VPS13C: variants seen among roughly 807,000 people sequenced by gnomAD.
VPS13C encodes vacuolar protein sorting 13 homolog C, also known as intermembrane lipid transfer protein VPS13C.
Under a neutral mutation model 456.8 loss-of-function variants are expected in VPS13C, and 358 were observed. The observed-to-expected ratio is 0.78, with a 90% confidence interval of 0.72 to 0.86. VPS13C has a LOEUF of 0.86. VPS13C is among the 40% of genes least tolerant of loss of function. The pLI, the probability that VPS13C is intolerant of heterozygous loss-of-function variation, is 0.00. For synonymous variants in VPS13C, 1,578 were observed against 1,486.7 expected (o/e 1.06, Z -1.41); for missense variants, 4,818 against 4,385.4 (o/e 1.10, Z -2.79).
At position 61,854,480 on chromosome 15, in the gene VPS13C, G is replaced by A; in HGVS notation, c.11239C>T (p.Leu3747Phe). 1 of 1,614,160 alleles carries A rather than the reference G, an allele frequency of 6.2e-7. No homozygotes were observed. Among genetic ancestry groups the A allele is most frequent in the African/African-American group, 1.3e-5 (1 of 75,052 alleles). ...GATTAAGATGGCAATTGGGGTCTGA[G>A]AAGTCTCACTGATGACTGCTTCATC... ...KLMKQSSVRLLRPQLPS is the reference protein window; with the variant it reads ...KLMKQSSVRLFRPQLPS Residue 3747 changes from leucine (L) to phenylalanine (F), a missense_variant, in exon 85 of 85, where the codon CTC becomes TTC. Leu to Phe is a conservative substitution (Grantham distance 22, BLOSUM62 0). Coordinates refer to ENST00000644861, the MANE Select transcript of VPS13C (RefSeq NM_020821.3).
intron 47 of VPS13C, among the ~76,000 whole-genome samples, chr15:61,940,150 AATG>A (rs1217073724): frequency 1.3e-5 from 2 of 152,180 alleles, no homozygotes; most frequent in Non-Finnish European, 2.9e-5. Flanking sequence ...GCCTATTCAA[AATG>A]ATATCACCTT....
At chr15:61,904,878 T>G (rs1405933029) in intron 66 of VPS13C, among the ~76,000 whole-genome samples, 1 of 151,836 alleles carries the variant, frequency 6.6e-6, no homozygotes, top group Non-Finnish European at 1.5e-5. Flanking sequence ...GTCAGTCAGG[T>G]ACAGAAAGAC....
At position 61,961,958 on chromosome 15, in the gene VPS13C, T is replaced by C. The variant is rs1180964768; in HGVS notation, c.3604-65A>G. 8.7e-6 allele frequency: 13 copies of C among 1,494,220 alleles called. No homozygotes were observed. The South Asian group carries it at 1.5e-4, about 17-fold the overall frequency. 92.6% of individuals were successfully genotyped at this position (1,494,220 alleles called of 1,614,324 possible). ...TACAGGCACATCAATAATAACACTA[T>C]CTTCTTTTCATACATGTGGTAACTT... On this transcript the variant is annotated intron_variant, in intron 34 of 84. Coordinates refer to ENST00000644861, the MANE Select transcript of VPS13C (RefSeq NM_020821.3).
chr15:61,920,722 T>TTAGGAGAACTGAA, intron 55 of VPS13C, 75 bp from the exon 56 acceptor site: 1 of 1,358,148 alleles, frequency 7.4e-7, no homozygotes, highest in Non-Finnish European at 9.9e-7. Context: ...GGAGTTCAGT[T>TTAGGAGAACTGAA]CTCCTAAACT....
intron 66 of VPS13C, among the ~76,000 whole-genome samples, chr15:61,894,856 C>G (rs1461977326): frequency 6.6e-6 from 1 of 152,148 alleles, no homozygotes; most frequent in East Asian, 1.9e-4. Flanking sequence ...GAAAGAAACA[C>G]TGGAGTTAAA....
chr15:62,008,690 C>T lies in VPS13C; in HGVS notation c.1083G>A (p.Lys361=), dbSNP rs1294659551. 4 of 1,607,820 alleles carry T rather than the reference C, an allele frequency of 2.5e-6. No individual in the cohort carries two copies. The highest frequency in any genetic ancestry group is 3.4e-6 in the Non-Finnish European group (4 of 1,176,840). ...CATTGGTATGAAGTGGTAAATAAGG[C>T]TTGTATTTCCTATAAGGCGCATTCC... ...MVRNAPYRKY[K]PYLPLHTNGR... Residue 361 remains lysine, a synonymous_variant, in exon 14 of 85, where the codon AAG becomes AAA. Transcript: ENST00000644861.
At position 61,920,651 on chromosome 15, in the gene VPS13C, T is replaced by A. The variant is rs745798981; in HGVS notation, c.7063-4A>T. 6.4e-7 allele frequency: 1 copy of A among 1,558,786 alleles called. No individual in the cohort carries two copies. Among genetic ancestry groups the A allele is most frequent in the South Asian group, 1.2e-5 (1 of 81,894 alleles). ...CCTGAACTGGGTTCTTCTTTACCTATGAAGAAAAATAACACAGCAAATTTA... is the reference window on the plus strand; with the variant it reads ...CCTGAACTGGGTTCTTCTTTACCTAAGAAGAAAAATAACACAGCAAATTTA... On this transcript the variant is annotated splice_region_variant and splice_polypyrimidine_tract_variant and intron_variant, in intron 55 of 84. Coordinates refer to ENST00000644861, the MANE Select transcript of VPS13C (RefSeq NM_020821.3).
chr15:61,943,684 A>G (rs1039621136), intron 45 of VPS13C, among the ~76,000 whole-genome samples: 4 of 152,118 alleles, frequency 2.6e-5, no homozygotes, highest in African/African-American at 7.2e-5. Context: ...AACTATAAGA[A>G]TTTTACAAGA....
At chr15:61,999,580 A>G (rs894707654) in intron 16 of VPS13C, among the ~76,000 whole-genome samples, 4 of 152,158 alleles carry the variant, frequency 2.6e-5, no homozygotes, top group African/African-American at 9.7e-5. Flanking sequence ...TATTAACAGT[A>G]GTTACTTTTA....
intron 6 of VPS13C, among the ~76,000 whole-genome samples, chr15:62,024,507 T>C (rs1025030506): frequency 1.3e-5 from 2 of 152,072 alleles, no homozygotes; most frequent in African/African-American, 4.8e-5. Flanking sequence ...CTCAAATTCC[T>C]ATCAGGCATC....
At chr15:61,996,998 C>CATACATATATATATATAT (rs1555437505) in intron 16 of VPS13C, among the ~76,000 whole-genome samples, 103 of 145,566 alleles carry the variant, frequency 7.1e-4, no homozygotes, top group African/African-American at 2.5e-3. Context: ...TACATACATA[C>CATACATATATATATATAT]ATATATATAT....
At chr15:61,993,566 GT>G (rs2046289891) in intron 16 of VPS13C, among the ~76,000 whole-genome samples, 1 of 152,048 alleles carries the variant, frequency 6.6e-6, no homozygotes, top group Admixed American at 6.6e-5. Context: ...TCTTAAAGGT[GT>G]GATCAGCATG....
At chr15:61,925,586 C>T (rs2043821705) in intron 52 of VPS13C, 38 bp from the exon 53 acceptor site, 1 of 1,405,764 alleles carries the variant, frequency 7.1e-7, no homozygotes, top group African/African-American at 1.5e-5. Context: ...TTCCATAGAT[C>T]CATTATATAC....
Position 62,056,410 on chromosome 15 carries a change from T to A in VPS13C, c.100+3865A>T, listed in dbSNP as rs184211540. ...GTGAGGTGTGACCAGAAGACAAGAG[T>A]GCGAGCCTTCTGTTATGCCCGGACA... is the stretch of plus-strand genomic sequence containing the variant. On this transcript the variant is annotated intron_variant, in intron 1 of 84. Transcript: ENST00000644861. Among the ~76,000 whole-genome samples the A allele has an allele frequency of 6.6e-5, 10 of 152,058 alleles. No individual in the cohort carries two copies. The East Asian group carries it at 1.9e-3, about 29-fold the overall frequency.
Position 62,010,581 on chromosome 15 carries a change from G to T in VPS13C, c.902C>A (p.Ala301Asp). Residue 301 changes from alanine to aspartate, a missense_variant, in exon 13 of 85, where the codon GCC (alanine) becomes GAC (aspartate). By Grantham distance (126) the Ala-to-Asp change is moderately radical. This residue lies in a region of VPS13C where 4,552 missense variants were observed against 4,130.6 expected (regional missense o/e 1.10). Coordinates refer to ENST00000644861, the MANE Select transcript of VPS13C (RefSeq NM_020821.3). ...AGGATTCATGTAGAGTTTTGCAGAG[G>T]CTGATATTGGCTGGAAAACTTACAT... ...NYQYIFQPIS[A>D]SAKLYMNPYA... is the part of the protein sequence containing the mutation. The T allele has an allele frequency of 6.2e-7, 1 of 1,610,748 alleles. No individual in the cohort carries two copies. The highest frequency in any genetic ancestry group is 1.1e-5 in the South Asian group (1 of 90,502).
At chr15:61,873,820 G>T (rs1324415533) in intron 77 of VPS13C, among the ~76,000 whole-genome samples, 1 of 151,952 alleles carries the variant, frequency 6.6e-6, no homozygotes. Flanking sequence ...CAACTACTGG[G>T]TATATACCCA....
chr15:61,869,378 C>A (rs1286171121), intron 80 of VPS13C, 122 bp downstream of exon 80: 1 of 1,126,042 alleles, frequency 8.9e-7, no homozygotes, highest in Non-Finnish European at 1.2e-6. Context: ...TTTAAAGCTA[C>A]CACAGCTTTC....
chr15:62,012,349 C>A (rs947392669), intron 11 of VPS13C, among the ~76,000 whole-genome samples, 185 bp from the exon 12 acceptor site: 6 of 151,556 alleles, frequency 4.0e-5, no homozygotes, highest in Non-Finnish European at 7.4e-5. Context: ...TATAAAGATA[C>A]AGAAGCAGAT....
intron 16 of VPS13C, among the ~76,000 whole-genome samples, chr15:61,999,392 A>AAAG (rs1555438362): frequency 2.1e-4 from 31 of 151,140 alleles, no homozygotes; most frequent in African/African-American, 7.5e-4. Context: ...AAAAAAAAAA[A>AAAG]AGAGAGAGAG....
Sources: gnomAD v4.1 joint callset for allele counts (sites outside exome capture counted in the v4.1 genomes callset) on GRCh38, gnomAD v4.1.1 for gene constraint, gnomAD v4.1.1 regional missense constraint, MANE v1.5 for transcripts, NCBI Gene and HGNC (gene_info 2026-07-23, HGNC 2026-07-21) for gene names.